The following WWP2 variants were observed in gnomAD, a reference collection of about 807,000 sequenced individuals.
The protein encoded by WWP2 is WW domain containing E3 ubiquitin protein ligase 2.
In WWP2, 57 loss-of-function variants were observed where a neutral mutation model predicts 121.0. That is an observed-to-expected ratio of 0.47 (90% CI 0.38 to 0.59). The LOEUF is 0.59. Among genes scored for constraint, WWP2 ranks in the 20% least tolerant of loss-of-function variants. The probability of loss-of-function intolerance (pLI) is 0.00; values close to 1 mark genes in which losing one functional copy is unlikely to be tolerated. For missense variants in WWP2, 962 were observed against 1,158.9 expected (o/e 0.83, Z 2.47); for synonymous variants, 449 against 441.3 (o/e 1.02, Z -0.22).
chr16:69,856,600 C>T (rs2057317271), intron 6 of WWP2, among the ~76,000 whole-genome samples: 1 of 152,134 alleles, frequency 6.6e-6, no homozygotes, highest in Admixed American at 6.5e-5. Flanking sequence ...CATGGTGAAA[C>T]CACATCTCAC....
chr16:69,826,924 G>A (rs1251793558), intron 4 of WWP2, among the ~76,000 whole-genome samples: 1 of 119,152 alleles, frequency 8.4e-6, no homozygotes, highest in African/African-American at 3.1e-5. Flanking sequence ...GGGTGACAGA[G>A]CGAGACTCCA....
chr16:69,781,325 C>T (rs544102890), intron 1 of WWP2, among the ~76,000 whole-genome samples: 7 of 152,096 alleles, frequency 4.6e-5, no homozygotes, highest in African/African-American at 1.7e-4. Context: ...AGTTCATTTG[C>T]AGGTCTTTGG....
chr16:69,785,521 T>C (rs976614736), intron 1 of WWP2, among the ~76,000 whole-genome samples: 1 of 152,140 alleles, frequency 6.6e-6, no homozygotes, highest in Admixed American at 6.6e-5. Context: ...AATGATGATA[T>C]TCCAAAATCA....
chr16:69,934,219 T>A, intron 17 of WWP2, 90 bp downstream of exon 17: 2 of 1,500,448 alleles, frequency 1.3e-6, no homozygotes, highest in South Asian at 2.4e-5. Flanking sequence ...ACCAGGGGAA[T>A]CTGCTCTTTC....
chr16:69,783,267 C>T (rs1357199190), intron 1 of WWP2: 2 of 152,204 alleles, frequency 1.3e-5, no homozygotes, highest in South Asian at 2.1e-4. Flanking sequence ...GCGTTGGCCT[C>T]CCAAAGTGCT....
chr16:69,781,032 A>C (rs1363358140), intron 1 of WWP2, among the ~76,000 whole-genome samples: 1 of 152,092 alleles, frequency 6.6e-6, no homozygotes. Flanking sequence ...TGTCTCAAAA[A>C]AACAGGTTGG....
chr16:69,828,429 C>T (rs980386800), intron 4 of WWP2, among the ~76,000 whole-genome samples: 11 of 152,106 alleles, frequency 7.2e-5, no homozygotes, highest in Non-Finnish European at 1.5e-4. Context: ...TACAACAGCG[C>T]GATCTCAGCT....
At chr16:69,932,190 G>A (rs767313520) in intron 16 of WWP2, among the ~76,000 whole-genome samples, 5 of 152,244 alleles carry the variant, frequency 3.3e-5, no homozygotes, top group Non-Finnish European at 5.9e-5. Flanking sequence ...TTAGCTGGGC[G>A]TGGTGGTGCA....
intron 2 of WWP2, among the ~76,000 whole-genome samples, chr16:69,794,907 G>T (rs1373397335): frequency 6.6e-6 from 1 of 152,082 alleles, no homozygotes; most frequent in East Asian, 1.9e-4. Flanking sequence ...TGAATTGGGG[G>T]AAAAATGGCT....
At position 69,896,498 on chromosome 16, in the gene WWP2, A is replaced by G. The variant is rs550128920; in HGVS notation, c.914+8249A>G. 4.6e-5 allele frequency among the ~76,000 whole-genome samples: 7 copies of G among 152,256 alleles called. No individual in the cohort carries two copies. The South Asian group carries it at 1.5e-3, about 32-fold the overall frequency. ...TTGTGTTCCCTGTACCCAGCATACA[A>G]CTTGGCTTCCAAAGAGAGGGAGTGA... On this transcript the variant is annotated intron_variant, in intron 8 of 23. Coordinates refer to ENST00000359154, the MANE Select transcript of WWP2 (RefSeq NM_001270454.2).
chr16:69,777,460 C>A (rs930893488), intron 1 of WWP2, among the ~76,000 whole-genome samples: 2 of 151,708 alleles, frequency 1.3e-5, no homozygotes, highest in African/African-American at 4.8e-5. Flanking sequence ...GCCACCACGA[C>A]CAGATAATTT....
intron 8 of WWP2, among the ~76,000 whole-genome samples, chr16:69,891,861 A>C (rs1453015081): frequency 6.6e-6 from 1 of 152,120 alleles, no homozygotes; most frequent in Non-Finnish European, 1.5e-5. Context: ...TGCCCAGGTG[A>C]CCTTCAAGTC....
rs140799694 is a variant in WWP2 at position 69,837,409 on chromosome 16, T to A, written c.341-2717T>A. ...ACAAAATGTGTCTCAAGGTGTTGTA[T>A]GATGGCTTCTGAGCCTTCAAATATA... On this transcript the variant is annotated intron_variant, in intron 4 of 23. Coordinates refer to ENST00000359154, the MANE Select transcript of WWP2 (RefSeq NM_001270454.2). Among the ~76,000 whole-genome samples the A allele has an allele frequency of 9.1e-4, 138 of 152,358 alleles. 1 individual carries two copies. The highest frequency in any genetic ancestry group is 3.1e-4 in the Non-Finnish European group (21 of 68,038).
In WWP2 at chr16:69,925,622, T is replaced by C; in HGVS notation, c.1234+138T>C. On this transcript the variant is annotated intron_variant, in intron 11 of 23. Coordinates refer to ENST00000359154, the MANE Select transcript of WWP2 (RefSeq NM_001270454.2). This position sits in a 1 kb window ranked among gnomAD's most constrained non-coding sequence, Gnocchi z 4.0. ...CCCTCTCCAGCACACTCTCTGGGCA[T>C]GCCCCACCAGAGCAATTACAGGTGA... The C allele has an allele frequency of 8.3e-7, 1 of 1,198,182 alleles. No individual in the cohort carries two copies. The highest frequency in any genetic ancestry group is 1.1e-6 in the Non-Finnish European group (1 of 874,282). The allele number at this position is 1,198,182 out of a possible 1,614,324, so 74.2% of individuals were successfully genotyped here.
At chr16:69,866,900 C>T (rs1164819315) in intron 6 of WWP2, among the ~76,000 whole-genome samples, 4 of 151,812 alleles carry the variant, frequency 2.6e-5, no homozygotes, top group Non-Finnish European at 4.4e-5. Context: ...TGCAGTGGTG[C>T]GATCTTGGCT....
At chr16:69,884,347 G>C (rs2057886020) in intron 7 of WWP2, among the ~76,000 whole-genome samples, 1 of 152,204 alleles carries the variant, frequency 6.6e-6, no homozygotes, top group South Asian at 2.1e-4. Flanking sequence ...TATTAGGCTG[G>C]GTGCAGTGGC....
At chr16:69,920,958 T>C (rs944547968) in intron 10 of WWP2, among the ~76,000 whole-genome samples, 3 of 152,182 alleles carry the variant, frequency 2.0e-5, no homozygotes, top group Admixed American at 2.0e-4. Context: ...TGCCTGCCTC[T>C]CTTAGCAACA....
chr16:69,822,953 A>G (rs962105331), intron 4 of WWP2, among the ~76,000 whole-genome samples: 4 of 152,170 alleles, frequency 2.6e-5, no homozygotes, highest in African/African-American at 9.7e-5. Flanking sequence ...CCTGGCCAAC[A>G]TGACAAAGCT....
chr16:69,826,306 G>T (rs1164230716), intron 4 of WWP2, among the ~76,000 whole-genome samples: 2 of 151,146 alleles, frequency 1.3e-5, no homozygotes, highest in East Asian at 3.9e-4. Context: ...AGTGGCTTAT[G>T]CCTGTAATCC....
Sources: allele counts gnomAD v4.1 joint callset (sites outside exome capture counted in the v4.1 genomes callset), GRCh38; gene constraint gnomAD v4.1.1; non-coding constraint Gnocchi (gnomAD v3.1); transcripts MANE v1.5; gene names NCBI Gene and HGNC (gene_info 2026-07-23, HGNC 2026-07-21).